The following ATRNL1 variants were observed in gnomAD, a reference collection of about 807,000 sequenced individuals.
ATRNL1 encodes the protein attractin like 1, also known as attractin-like protein 1.
A neutral mutation model predicts 182.7 loss-of-function variants in ATRNL1; 95 were observed. The observed-to-expected ratio is 0.52, with a 90% CI of 0.44 to 0.62. The LOEUF is 0.62. Among genes scored for constraint, ATRNL1 ranks in the 20% least tolerant of loss-of-function variants. The pLI is 0.00. For synonymous variants in ATRNL1, 576 were observed against 568.3 expected (o/e 1.01, Z -0.19); for missense variants, 1,471 against 1,679.5 (o/e 0.88, Z 2.17).
chr10:115,256,437 A>G (rs1851139841), intron 10 of ATRNL1, among the ~76,000 whole-genome samples: 1 of 152,094 alleles, frequency 6.6e-6, no homozygotes, highest in African/African-American at 2.4e-5. Context: ...AGGTGTTTAT[A>G]GTATTCTCTG....
chr10:115,393,019 AG>A (rs1844106040), intron 19 of ATRNL1, among the ~76,000 whole-genome samples: 2 of 152,104 alleles, frequency 1.3e-5, no homozygotes, highest in Admixed American at 1.3e-4. Flanking sequence ...CTAGATTTTA[AG>A]GGGACCCACA....
At chr10:115,937,529 A>G (rs1953597227) in intron 28 of ATRNL1, among the ~76,000 whole-genome samples, 2 of 152,148 alleles carry the variant, frequency 1.3e-5, no homozygotes, top group South Asian at 2.1e-4. Context: ...GGAAATGCAT[A>G]TTTTCTAATT....
intron 27 of ATRNL1, among the ~76,000 whole-genome samples, chr10:115,763,199 C>A (rs1214572309): frequency 1.3e-5 from 2 of 151,562 alleles, no homozygotes; most frequent in Non-Finnish European, 2.9e-5. Flanking sequence ...TTCATTTATC[C>A]ATCATTCAAA....
chr10:115,280,948 T>C (rs1311869572), intron 13 of ATRNL1, among the ~76,000 whole-genome samples: 1 of 152,214 alleles, frequency 6.6e-6, no homozygotes, highest in Non-Finnish European at 1.5e-5. Context: ...CCATTTTAAT[T>C]TGTAATACCT....
chr10:115,750,493 A>G (rs1555070395), intron 27 of ATRNL1, among the ~76,000 whole-genome samples: 1 of 151,864 alleles, frequency 6.6e-6, no homozygotes, highest in South Asian at 2.1e-4. Context: ...TTTAAATTCA[A>G]AAACTATTAT....
At chr10:115,711,056 A>T (rs1486927454) in intron 26 of ATRNL1, among the ~76,000 whole-genome samples, 1 of 152,100 alleles carries the variant, frequency 6.6e-6, no homozygotes, top group Non-Finnish European at 1.5e-5. Flanking sequence ...GGTTTCTGAG[A>T]GGGGCCAATA....
chr10:115,136,042 T>TG (rs1554876585), intron 5 of ATRNL1, among the ~76,000 whole-genome samples: 2 of 151,712 alleles, frequency 1.3e-5, no homozygotes, highest in African/African-American at 2.4e-5. Flanking sequence ...TTGTTTTTTT[T>TG]TTTTAGAGAT....
At chr10:115,335,860 T>A (rs1855456823) in intron 19 of ATRNL1, among the ~76,000 whole-genome samples, 1 of 152,146 alleles carries the variant, frequency 6.6e-6, no homozygotes, top group South Asian at 2.1e-4. Context: ...ATATTTTTGA[T>A]CTGCTGTTGG....
intron 27 of ATRNL1, among the ~76,000 whole-genome samples, chr10:115,745,604 C>T (rs1444833452): frequency 2.0e-5 from 3 of 152,164 alleles, no homozygotes; most frequent in Non-Finnish European, 4.4e-5. Flanking sequence ...TCAGTTGCTT[C>T]ACAACCTCAC....
At chr10:115,911,239 A>G (rs900398111) in intron 28 of ATRNL1, among the ~76,000 whole-genome samples, 1 of 152,014 alleles carries the variant, frequency 6.6e-6, no homozygotes, top group African/African-American at 2.4e-5. Context: ...AGCTCAGGCA[A>G]TCCAACTGCC....
intron 20 of ATRNL1, among the ~76,000 whole-genome samples, chr10:115,420,183 A>G (rs1845587063): frequency 6.6e-6 from 1 of 151,072 alleles, no homozygotes; most frequent in Non-Finnish European, 1.5e-5. Context: ...TGCTGTGATT[A>G]CAGGTGCCTG....
At chr10:115,177,063 AG>A in intron 8 of ATRNL1, among the ~76,000 whole-genome samples, 1 of 152,302 alleles carries the variant, frequency 6.6e-6, no homozygotes, top group East Asian at 1.9e-4. Flanking sequence ...AATAAGAGGT[AG>A]GGGAGAAAAG....
In ATRNL1 at chr10:115,265,237, G is replaced by T; in HGVS notation, c.1732G>T (p.Asp578Tyr). 6.2e-7 allele frequency: 1 copy of T among 1,608,696 alleles called. No individual in the cohort carries two copies. The highest frequency in any genetic ancestry group is 8.5e-7 in the Non-Finnish European group (1 of 1,176,886). The change falls in exon 11 of 29, where the codon GAT becomes TAT. Residue 578 changes from aspartate to tyrosine, a missense_variant. Coordinates refer to ENST00000355044, the MANE Select transcript of ATRNL1 (RefSeq NM_207303.4). ...ACTACCAAAACCAAATCTTCATAGA[G>T]ATGTCAACAGATTTGGACACTCTGC... is the stretch of plus-strand genomic sequence containing the variant. ...KILPKPNLHR[D>Y]VNRFGHSAVV...
chr10:115,441,961 C>T (rs1184501877), intron 21 of ATRNL1, among the ~76,000 whole-genome samples: 1 of 151,958 alleles, frequency 6.6e-6, no homozygotes, highest in Non-Finnish European at 1.5e-5. Flanking sequence ...TTTCTCTCTT[C>T]TACTTCTCCC....
rs17093806 is a variant in ATRNL1, at chr10:115,928,522, G to A, written c.4019-16136G>A. Among the ~76,000 whole-genome samples the A allele has an allele frequency of 8.7e-4, 133 of 152,026 alleles. 1 individual carries two copies. In the East Asian group the frequency reaches 0.015, roughly 17 times the overall value. Reference sequence around the variant, plus strand: ...TAGTGAAGCTTGTATTAATTACCTTGTATGAAAATCTGAAAAGTTCCTGAA... The same window carrying A: ...TAGTGAAGCTTGTATTAATTACCTTATATGAAAATCTGAAAAGTTCCTGAA... On this transcript the variant is annotated intron_variant, in intron 28 of 28. Transcript: ENST00000355044.
intron 26 of ATRNL1, among the ~76,000 whole-genome samples, chr10:115,621,311 A>AGT (rs1857754950): frequency 1.1e-5 from 1 of 93,106 alleles, no homozygotes; most frequent in African/African-American, 3.5e-5. Flanking sequence ...AGAGAGAGAG[A>AGT]GAGTGTGTGA....
chr10:115,467,210 A>AT lies in ATRNL1; in HGVS notation c.3454_3455insT (p.Asn1152IlefsTer4). The AT allele has an allele frequency of 6.2e-7, 1 of 1,605,242 alleles. No individual in the cohort carries two copies. The highest frequency in any genetic ancestry group is 1.1e-5 in the South Asian group (1 of 90,252). ...TCTGGATATATCAATTAATGCATCA[A>AT]ACAACTTTAATCTCAACATTACGTG... On this transcript the variant is annotated frameshift_variant, in exon 23 of 29. Coordinates refer to ENST00000355044, the MANE Select transcript of ATRNL1 (RefSeq NM_207303.4). LOFTEE classifies it high-confidence loss of function.
chr10:115,656,950 T>A (rs1555036140), intron 26 of ATRNL1, among the ~76,000 whole-genome samples: 1 of 152,170 alleles, frequency 6.6e-6, no homozygotes, highest in African/African-American at 2.4e-5. Context: ...ATGTTTAATA[T>A]TAGAAGTGTT....
intron 28 of ATRNL1, among the ~76,000 whole-genome samples, chr10:115,927,312 G>A (rs1202555854): frequency 1.3e-5 from 2 of 152,062 alleles, no homozygotes; most frequent in Non-Finnish European, 1.5e-5. Context: ...TATTGAATGG[G>A]CAAAACCTGG....
Sources: allele counts gnomAD v4.1 joint callset (sites outside exome capture counted in the v4.1 genomes callset), GRCh38; gene constraint gnomAD v4.1.1; transcripts MANE v1.5; gene names NCBI Gene and HGNC (gene_info 2026-07-23, HGNC 2026-07-21).